The following CDYL variants were observed in gnomAD, a reference collection of about 807,000 sequenced individuals.
CDYL encodes the protein chromodomain Y like.
Under a neutral mutation model 47.3 loss-of-function variants are expected in CDYL, and 8 were observed. The ratio of observed to expected loss-of-function variants is 0.17; its 90% CI spans 0.10 to 0.31. The LOEUF (loss-of-function observed/expected upper bound fraction) is 0.31. Among genes scored for constraint, CDYL ranks in the 10% least tolerant of loss-of-function variants. The pLI is 1.00. For missense variants in CDYL, 471 were observed against 701.4 expected (o/e 0.67, Z 3.71); for synonymous variants, 266 against 265.0 (o/e 1.00, Z -0.04).
intron 3 of CDYL, among the ~76,000 whole-genome samples, chr6:4,758,630 T>A (rs1758116779): frequency 6.6e-6 from 1 of 151,830 alleles, no homozygotes; most frequent in South Asian, 2.1e-4. Context: ...GCCACTGCAC[T>A]CCAGTCTGGG....
chr6:4,762,644 C>CAA (rs1561840210), intron 3 of CDYL, among the ~76,000 whole-genome samples: 1 of 37,422 alleles, frequency 2.7e-5, no homozygotes, highest in Non-Finnish European at 4.8e-5. Context: ...TTAAAGGGTA[C>CAA]CAAAAAAAAA....
At chr6:4,943,848 A>G (rs1437336588) in intron 5 of CDYL, 92 bp downstream of exon 5, 14 of 957,324 alleles carry the variant, frequency 1.5e-5, no homozygotes, top group East Asian at 2.5e-5. Flanking sequence ...AAAGCTGTAC[A>G]GTGTGTCATT....
intron 5 of CDYL, among the ~76,000 whole-genome samples, chr6:4,947,398 C>T (rs779710030): frequency 1.3e-5 from 2 of 152,184 alleles, no homozygotes; most frequent in Non-Finnish European, 2.9e-5. Context: ...GACCCTCCTC[C>T]AGTGGCTGAT....
intron 3 of CDYL, 92 bp downstream of exon 3, chr6:4,935,863 T>C: frequency 3.9e-6 from 6 of 1,555,538 alleles, no homozygotes; most frequent in South Asian, 2.4e-5. Flanking sequence ...CCTGTGCTCT[T>C]TCTAAACCTC....
At chr6:4,863,418 T>C (rs1761230088) in intron 1 of CDYL, among the ~76,000 whole-genome samples, 1 of 152,108 alleles carries the variant, frequency 6.6e-6, no homozygotes, top group Non-Finnish European at 1.5e-5. Context: ...GTGGCAAAAA[T>C]AGAAAAAATC....
At chr6:4,742,698 C>CT (rs1200825346) in intron 3 of CDYL, among the ~76,000 whole-genome samples, 1 of 152,228 alleles carries the variant, frequency 6.6e-6, no homozygotes, top group African/African-American at 2.4e-5. Context: ...AAGGTCATTC[C>CT]TTGATTGAGC....
At chr6:4,856,503 T>G (rs923329406) in intron 1 of CDYL, among the ~76,000 whole-genome samples, 1 of 152,120 alleles carries the variant, frequency 6.6e-6, no homozygotes, top group Non-Finnish European at 1.5e-5. Flanking sequence ...CCATGGGACC[T>G]TTTGGTTGTG....
chr6:4,906,070 C>T (rs1214672883), intron 2 of CDYL, among the ~76,000 whole-genome samples: 2 of 152,232 alleles, frequency 1.3e-5, no homozygotes, highest in Non-Finnish European at 2.9e-5. Flanking sequence ...GGAGTGTCTA[C>T]AGCTTTAATT....
chr6:4,868,823 T>C (rs1285467472), intron 1 of CDYL, among the ~76,000 whole-genome samples: 2 of 152,236 alleles, frequency 1.3e-5, no homozygotes, highest in Non-Finnish European at 2.9e-5. Context: ...TTCATAGTTA[T>C]TACATCTTGA....
chr6:4,896,434 T>A (rs748570294), intron 2 of CDYL, among the ~76,000 whole-genome samples: 2 of 152,176 alleles, frequency 1.3e-5, no homozygotes, highest in Non-Finnish European at 2.9e-5. Flanking sequence ...CTGCAAGTAC[T>A]TGTGGATGGA....
At chr6:4,857,251 G>A (rs936965933) in intron 1 of CDYL, among the ~76,000 whole-genome samples, 4 of 151,902 alleles carry the variant, frequency 2.6e-5, no homozygotes, top group Non-Finnish European at 2.9e-5. Flanking sequence ...ACCAAACATC[G>A]CCAGAACTTA....
At chr6:4,928,158 T>G (rs1757932811) in intron 2 of CDYL, among the ~76,000 whole-genome samples, 1 of 152,242 alleles carries the variant, frequency 6.6e-6, no homozygotes, top group Non-Finnish European at 1.5e-5. Context: ...CCACCAAGGT[T>G]TTAATTGGAA....
chr6:4,885,606 A>G (rs1007352072), intron 1 of CDYL, among the ~76,000 whole-genome samples: 3 of 152,248 alleles, frequency 2.0e-5, no homozygotes, highest in Non-Finnish European at 4.4e-5. Context: ...TGAAAATGTC[A>G]AAAACAAGTT....
At chr6:4,908,890 C>T (rs559434430) in intron 2 of CDYL, among the ~76,000 whole-genome samples, 1 of 152,328 alleles carries the variant, frequency 6.6e-6, no homozygotes, top group South Asian at 2.1e-4. Flanking sequence ...TCACATTCTG[C>T]CTGTCTGTTG....
chr6:4,919,297 T>A (rs1235305198), intron 2 of CDYL, among the ~76,000 whole-genome samples: 1 of 151,902 alleles, frequency 6.6e-6, no homozygotes, highest in African/African-American at 2.4e-5. Flanking sequence ...ATACAGCAGT[T>A]CCAGGATATA....
chr6:4,709,768 G>T (rs1757116376), intron 1 of CDYL, among the ~76,000 whole-genome samples: 1 of 152,164 alleles, frequency 6.6e-6, no homozygotes, highest in Admixed American at 6.5e-5. Context: ...TAAACTCCTT[G>T]AAGACAGGAC....
At chr6:4,743,717 G>T (rs2094661727) in intron 3 of CDYL, among the ~76,000 whole-genome samples, 1 of 152,148 alleles carries the variant, frequency 6.6e-6, no homozygotes, top group Non-Finnish European at 1.5e-5. Context: ...CAACTCATGG[G>T]TGTTGAATTT....
chr6:4,900,333 C>G (rs897893335), intron 2 of CDYL, among the ~76,000 whole-genome samples: 1 of 152,092 alleles, frequency 6.6e-6, no homozygotes, highest in Non-Finnish European at 1.5e-5. Context: ...TTACAAGTTG[C>G]AAGACCAGTA....
At position 4,751,437 on chromosome 6, in the gene CDYL, T is replaced by A. The variant is rs1042358844; in HGVS notation, c.186+16593T>A. On this transcript the variant is annotated intron_variant, in intron 3 of 8. Transcript: ENST00000328908. ...TATACAACCTTCAGTCTTTCAAAAG[T>A]GTGAAATTTATTTAAGCATTTAAGT... 2.8e-4 allele frequency among the ~76,000 whole-genome samples: 42 copies of A among 152,226 alleles called. 3 individuals carry two copies. Among genetic ancestry groups the A allele is most frequent in the Admixed American group, 2.0e-4 (3 of 15,286 alleles).
Sources: gnomAD v4.1 joint callset for allele counts (sites outside exome capture counted in the v4.1 genomes callset) on GRCh38, gnomAD v4.1.1 for gene constraint, MANE v1.5 for transcripts, NCBI Gene and HGNC (gene_info 2026-07-23, HGNC 2026-07-21) for gene names.